Variants in ZFAT observed in about 807,000 individuals in gnomAD.
The protein encoded by ZFAT is zinc finger and AT-hook domain containing.
A neutral mutation model predicts 117.7 loss-of-function variants in ZFAT; 64 were observed. The observed-to-expected ratio is 0.54, with a 90% CI of 0.44 to 0.67. The LOEUF (loss-of-function observed/expected upper bound fraction) is 0.67, where lower values mean the gene tolerates loss of function less well. Ranked by LOEUF, ZFAT falls within the 30% of genes least tolerant of loss-of-function variation. ZFAT has a pLI of 0.00. For synonymous variants in ZFAT, 679 were observed against 615.0 expected, an observed-to-expected ratio of 1.10 and a Z score of -1.54; for missense variants, 1,433 against 1,584.5, an observed-to-expected ratio of 0.90 and a Z score of 1.62.
At chr8:134,638,696 C>A (rs1344918410) in intron 2 of ZFAT, among the ~76,000 whole-genome samples, 1 of 151,594 alleles carries the variant, frequency 6.6e-6, no homozygotes, top group Non-Finnish European at 1.5e-5. Flanking sequence ...CTACTGCACT[C>A]CAGCCTGGGC....
the ZFAT span, among the ~76,000 whole-genome samples, chr8:134,748,940 C>T: frequency 6.6e-6 from 1 of 151,496 alleles, no homozygotes; most frequent in African/African-American, 2.4e-5. Flanking sequence ...TAATATTTCT[C>T]ATATATTCTG....
At chr8:134,697,833 G>A (rs1486941458) in intron 1 of ZFAT, among the ~76,000 whole-genome samples, 32 of 148,608 alleles carry the variant, frequency 2.2e-4, no homozygotes, top group African/African-American at 7.4e-4. Context: ...CGCCTGCCTC[G>A]GCCTCCCAAA....
the ZFAT span, chr8:134,797,479 C>T: frequency 6.6e-6 from 1 of 152,082 alleles, no homozygotes; most frequent in Non-Finnish European, 1.5e-5. Flanking sequence ...GAACAACCCA[C>T]AAATCCTGTT....
At chr8:134,527,430 A>G (rs1320676080) in intron 12 of ZFAT, among the ~76,000 whole-genome samples, 2 of 152,264 alleles carry the variant, frequency 1.3e-5, no homozygotes, top group Non-Finnish European at 2.9e-5. Flanking sequence ...GAACAAAAGC[A>G]GGTAAATTAT....
At chr8:134,583,538 T>C (rs527368518) in intron 10 of ZFAT, among the ~76,000 whole-genome samples, 1 of 152,248 alleles carries the variant, frequency 6.6e-6, no homozygotes, top group Admixed American at 6.5e-5. Context: ...TTCGGAACCA[T>C]GGATCAAGGC....
the ZFAT span, among the ~76,000 whole-genome samples, chr8:134,721,116 T>C: frequency 6.6e-6 from 1 of 152,144 alleles, no homozygotes; most frequent in Non-Finnish European, 1.5e-5. Flanking sequence ...TACGTGTGTT[T>C]AGTGAGAAGT....
chr8:134,532,638 T>C (rs765107052), intron 12 of ZFAT, among the ~76,000 whole-genome samples, 196 bp downstream of exon 12: 37 of 152,360 alleles, frequency 2.4e-4, no homozygotes, highest in Middle Eastern at 3.4e-3. Context: ...GTTGTTGTCA[T>C]ATTAACCAGG....
the ZFAT span, chr8:134,784,409 T>C: frequency 2.0e-5 from 3 of 152,144 alleles, no homozygotes; most frequent in Non-Finnish European, 4.4e-5. Context: ...TGGAAATATA[T>C]AAAATATGCG....
At chr8:134,588,030 T>G (rs770841999) in intron 9 of ZFAT, among the ~76,000 whole-genome samples, 5 of 152,208 alleles carry the variant, frequency 3.3e-5, no homozygotes, top group Non-Finnish European at 5.9e-5. Flanking sequence ...ATGAGACCTA[T>G]GAAGGAGTGC....
chr8:134,637,325 A>C, intron 3 of ZFAT, 136 bp downstream of exon 3: 1 of 1,139,564 alleles, frequency 8.8e-7, no homozygotes, highest in Non-Finnish European at 1.2e-6. Flanking sequence ...TTAGGAAAAT[A>C]AGCACTTTTC....
chr8:134,676,561 T>C (rs1369224272), intron 1 of ZFAT, among the ~76,000 whole-genome samples: 3 of 152,122 alleles, frequency 2.0e-5, no homozygotes, highest in Non-Finnish European at 4.4e-5. Context: ...AACAAGGATA[T>C]CCAGGACTTG....
intron 11 of ZFAT, among the ~76,000 whole-genome samples, chr8:134,551,971 T>C (rs1823202385): frequency 6.6e-6 from 1 of 152,246 alleles, no homozygotes; most frequent in African/African-American, 2.4e-5. Flanking sequence ...CAACGGGTTT[T>C]TTAAGTTACA....
chr8:134,648,213 A>G (rs1831012398), intron 2 of ZFAT, among the ~76,000 whole-genome samples: 1 of 151,944 alleles, frequency 6.6e-6, no homozygotes, highest in Admixed American at 6.6e-5. Flanking sequence ...AGGATCTGAA[A>G]GATAAAAGAA....
At chr8:134,809,944 C>T in the ZFAT span, among the ~76,000 whole-genome samples, 4 of 152,124 alleles carry the variant, frequency 2.6e-5, no homozygotes, top group African/African-American at 9.7e-5. Flanking sequence ...TTTGTCACCA[C>T]CAACACATAG....
At chr8:134,815,995 T>C in the ZFAT span, among the ~76,000 whole-genome samples, 1 of 152,214 alleles carries the variant, frequency 6.6e-6, no homozygotes, top group Admixed American at 6.5e-5. Flanking sequence ...TTGCCTATCT[T>C]TTCACTCCTC....
chr8:134,509,971 G>A, intron 14 of ZFAT: 1 of 578,668 alleles, frequency 1.7e-6, no homozygotes, highest in East Asian at 3.9e-5. Flanking sequence ...AACCCTGTGA[G>A]GATGGGACAT....
At chr8:134,817,437 A>ACACAC in the ZFAT span, among the ~76,000 whole-genome samples, 37 of 83,928 alleles carry the variant, frequency 4.4e-4, no homozygotes, top group Non-Finnish European at 6.4e-4. Flanking sequence ...ACACACACAC[A>ACACAC]ACGCACCCTT....
intron 15 of ZFAT, among the ~76,000 whole-genome samples, chr8:134,499,814 T>A (rs926233051): frequency 3.9e-5 from 6 of 152,188 alleles, no homozygotes; most frequent in Non-Finnish European, 5.9e-5. Context: ...TTGAGGCCCC[T>A]TGTGAAGCAG....
chr8:134,478,613 C>T lies in ZFAT; in HGVS notation c.3601G>A (p.Asp1201Asn), dbSNP rs374018058. ...GTCACCGTCTCAATGCCCTCCACGT[C>T]GTCGGAGGACACCACCAGGTGGTGC... ...EQHHLVVSSDDVEGIETVTVY... is the reference protein window; with the variant it reads ...EQHHLVVSSDNVEGIETVTVY... The change falls in exon 16 of 16, where the codon GAC becomes AAC. Residue 1201 changes from aspartate (D) to asparagine (N), a missense_variant. Around this residue, in one of 5 missense-constraint regions of ZFAT, gnomAD observed 503 missense variants for 543.4 expected, o/e 0.93. Coordinates refer to ENST00000377838, the MANE Select transcript of ZFAT (RefSeq NM_020863.4). This position sits in a 1 kb window ranked among gnomAD's most constrained non-coding sequence, Gnocchi z 5.2. The T allele has an allele frequency of 1.6e-5, 25 of 1,587,258 alleles. No homozygotes were observed. In the African/African-American group the frequency reaches 2.3e-4, roughly 15 times the overall value.
Sources: gnomAD v4.1 joint callset for allele counts (sites outside exome capture counted in the v4.1 genomes callset) on GRCh38, gnomAD v4.1.1 for gene constraint, gnomAD v4.1.1 regional missense constraint, Gnocchi (gnomAD v3.1) non-coding constraint, MANE v1.5 for transcripts, NCBI Gene and HGNC (gene_info 2026-07-23, HGNC 2026-07-21) for gene names.